CCT6B: variants seen among roughly 807,000 people sequenced by gnomAD.
The protein encoded by CCT6B is chaperonin containing TCP1 subunit 6B.
CCT6B carries 49 observed loss-of-function variants against 61.5 expected under a neutral mutation model. That is an observed-to-expected ratio of 0.80 (90% confidence interval 0.63 to 1.01). The LOEUF (loss-of-function observed/expected upper bound fraction) is 1.01. Among genes scored for constraint, CCT6B ranks in the 50% least tolerant of loss-of-function variants. The pLI, the probability that CCT6B is intolerant of heterozygous loss-of-function variation, is 0.00. For synonymous variants in CCT6B, 228 were observed against 214.5 expected (o/e 1.06, Z -0.55); for missense variants, 666 against 634.7 (o/e 1.05, Z -0.53).
At chr17:34,939,843 A>G (rs1597744419) in intron 8 of CCT6B, 130 bp from the exon 9 acceptor site, 1 of 641,676 alleles carries the variant, frequency 1.6e-6, no homozygotes, top group Non-Finnish European at 2.8e-6. Flanking sequence ...TTAATTGTCT[A>G]ATAAAATTGT....
intron 1 of CCT6B, 85 bp from the exon 2 acceptor site, chr17:34,959,735 C>A: frequency 1.1e-6 from 1 of 921,552 alleles, no homozygotes; most frequent in Non-Finnish European, 1.8e-6. Context: ...ATAGAGGGAA[C>A]TGGGCTCGGA....
At chr17:34,954,274 T>C in intron 4 of CCT6B, 152 bp downstream of exon 4, 1 of 591,310 alleles carries the variant, frequency 1.7e-6, no homozygotes. Context: ...CAGTCAAATC[T>C]AATCTACAGT....
chr17:34,930,724 A>G (rs1300943879), intron 12 of CCT6B, among the ~76,000 whole-genome samples: 1 of 152,206 alleles, frequency 6.6e-6, no homozygotes, highest in African/African-American at 2.4e-5. Flanking sequence ...TCCCAGGGGC[A>G]GATATTTTTG....
Position 34,958,560 on chromosome 17 carries a change from C to T in CCT6B, c.336G>A (p.Glu112=). 6.6e-7 allele frequency: 1 copy of T among 1,509,416 alleles called. No homozygotes were observed. The highest frequency in any genetic ancestry group is 8.9e-7 in the Non-Finnish European group (1 of 1,126,016). 93.5% of individuals were successfully genotyped at this position (1,509,416 alleles called of 1,614,324 possible). ...LLKQADLYIS[E]GLHPRIIAEG... is the part of the protein sequence containing the mutation. Reference sequence around the variant, plus strand: ...CATATAAACTGTGAAATTCTAATACCTCAGAAATGTACAGGTCAGCTTGTT... The same window carrying T: ...CATATAAACTGTGAAATTCTAATACTTCAGAAATGTACAGGTCAGCTTGTT... Residue 112 remains glutamate (E), a splice_region_variant and synonymous_variant, in exon 3 of 14, where the codon GAG becomes GAA. Coordinates refer to ENST00000314144, the MANE Select transcript of CCT6B (RefSeq NM_006584.4).
At chr17:34,937,290 A>T (rs1379180336) in intron 10 of CCT6B, among the ~76,000 whole-genome samples, 1 of 152,176 alleles carries the variant, frequency 6.6e-6, no homozygotes, top group Non-Finnish European at 1.5e-5. Context: ...TAAAAAAAAA[A>T]TGAGAGTTAA....
chr17:34,950,252 T>G (rs562298202), intron 5 of CCT6B, among the ~76,000 whole-genome samples: 2 of 152,200 alleles, frequency 1.3e-5, no homozygotes. Context: ...AGTACTGTAT[T>G]CAAAAGCAGG....
At chr17:34,939,806 G>A in intron 8 of CCT6B, 93 bp from the exon 9 acceptor site, 1 of 798,156 alleles carries the variant, frequency 1.3e-6, no homozygotes. Context: ...AGACTGTATT[G>A]TTACTGTATT....
chr17:34,928,224 T>C lies in CCT6B; in HGVS notation c.1524-107A>G, dbSNP rs115006300. ...GTACTTTGTTCTTTAATGATGTTAG[T>C]ATGATGTTTTATGAGACAAGGCTAT... On this transcript the variant is annotated intron_variant, in intron 13 of 13. Coordinates refer to ENST00000314144, the MANE Select transcript of CCT6B (RefSeq NM_006584.4). The C allele has an allele frequency of 1.2e-3, 732 of 590,132 alleles. 7 individuals are homozygous for C. In the African/African-American group the frequency reaches 0.013, roughly 10 times the overall value. The allele number at this position is 590,132 out of a possible 1,614,324, so 36.6% of individuals were successfully genotyped here.
rs752553591 is a variant in CCT6B at position 34,932,437 on chromosome 17, T to G, written c.1277A>C (p.Lys426Thr). Reference sequence around the variant, plus strand: ...ACGAGCTCTTCCTTTTATACTGTTCTTATATGTAACAAGAGCTTCAGCCAT... The same window carrying G: ...ACGAGCTCTTCCTTTTATACTGTTCGTATATGTAACAAGAGCTTCAGCCAT... The part of the protein sequence containing the change: ...VAMAEALVTY[K>T]NSIKGRARLG... The change falls in exon 11 of 14, where the codon AAG becomes ACG. Residue 426 changes from lysine to threonine, a missense_variant. Coordinates refer to ENST00000314144, the MANE Select transcript of CCT6B (RefSeq NM_006584.4). 1.6e-5 allele frequency: 25 copies of G among 1,612,466 alleles called. No homozygotes were observed. The highest frequency in any genetic ancestry group is 2.0e-5 in the Non-Finnish European group (24 of 1,179,314).
chr17:34,961,318 C>A lies in CCT6B; in HGVS notation c.76G>T (p.Ala26Ser), dbSNP rs2090414636. The change falls in exon 1 of 14, where the codon GCC becomes TCC. Residue 26 changes from alanine to serine, a missense_variant. Physicochemically the swap from Ala to Ser is moderately conservative, Grantham distance 99. Transcript: ENST00000314144. ...ARAALAVNIC[A>S]ARGLQDVLRT... ...AGCACATCCTGCAGCCCTCGGGCGG[C>A]GCATATATTGACAGCCAAAGCTGCC... The A allele has an allele frequency of 6.2e-7, 1 of 1,613,084 alleles. No homozygotes were observed. The highest frequency in any genetic ancestry group is 8.5e-7 in the Non-Finnish European group (1 of 1,179,950).
intron 5 of CCT6B, among the ~76,000 whole-genome samples, chr17:34,947,309 A>T (rs2090235139): frequency 6.6e-6 from 1 of 152,192 alleles, no homozygotes; most frequent in African/African-American, 2.4e-5. Context: ...AAAGCCAGAA[A>T]ATGCCAACCA....
At chr17:34,960,076 C>T (rs1435261119) in intron 1 of CCT6B, among the ~76,000 whole-genome samples, 1 of 152,202 alleles carries the variant, frequency 6.6e-6, no homozygotes, top group African/African-American at 2.4e-5. Context: ...TCTCTTGAAT[C>T]TGCCACCTTC....
intron 6 of CCT6B, 37 bp downstream of exon 6, chr17:34,942,759 A>T (rs1231889155): frequency 6.6e-7 from 1 of 1,524,960 alleles, no homozygotes; most frequent in East Asian, 2.3e-5. Context: ...CTTTAGAAAA[A>T]AAAATTCAAA....
At position 34,951,840 on chromosome 17, in the gene CCT6B, T is replaced by C. The variant is rs1244337230; in HGVS notation, c.614+110A>G. The stretch of plus-strand genomic sequence containing the variant: ...CATTACCTAGAGCAGTGACTTAATA[T>C]ATGGTGAATGAATATATTTATGTTG... On this transcript the variant is annotated intron_variant, in intron 5 of 13. Transcript: ENST00000314144. 6.2e-5 allele frequency: 34 copies of C among 544,006 alleles called. 1 individual carries two copies. The Admixed American group carries it at 1.2e-3, about 19-fold the overall frequency. 33.7% of individuals were successfully genotyped at this position (544,006 alleles called of 1,614,324 possible). A position where few individuals can be genotyped will look rare whatever the true frequency, so the allele number is the denominator to read the frequency against.
chr17:34,947,877 A>G (rs1282726509), intron 5 of CCT6B, among the ~76,000 whole-genome samples: 3 of 151,670 alleles, frequency 2.0e-5, no homozygotes, highest in African/African-American at 7.3e-5. Context: ...AGCTACTCGG[A>G]AGGCTGAGGG....
At chr17:34,933,153 T>A (rs1418242228) in intron 10 of CCT6B, among the ~76,000 whole-genome samples, 3 of 152,188 alleles carry the variant, frequency 2.0e-5, no homozygotes, top group African/African-American at 7.2e-5. Context: ...GACATGAAAA[T>A]TCTTTAGACC....
chr17:34,948,167 C>T (rs1420609140), intron 5 of CCT6B, among the ~76,000 whole-genome samples: 2 of 152,042 alleles, frequency 1.3e-5, no homozygotes, highest in Non-Finnish European at 2.9e-5. Flanking sequence ...GTACACTCTA[C>T]CCAATGTGTA....
intron 5 of CCT6B, 60 bp downstream of exon 5, chr17:34,951,890 T>G: frequency 1.3e-6 from 1 of 748,538 alleles, no homozygotes; most frequent in East Asian, 2.8e-5. Context: ...ATGAATTTAA[T>G]AAAAGAATAT....
At chr17:34,929,772 C>T (rs1330472278) in intron 12 of CCT6B, among the ~76,000 whole-genome samples, 1 of 152,096 alleles carries the variant, frequency 6.6e-6, no homozygotes, top group African/African-American at 2.4e-5. Context: ...CCTTGGCCTC[C>T]CAGAGTGCTG....
Sources: allele counts gnomAD v4.1 joint callset (sites outside exome capture counted in the v4.1 genomes callset), GRCh38; gene constraint gnomAD v4.1.1; transcripts MANE v1.5; gene names NCBI Gene and HGNC (gene_info 2026-07-23, HGNC 2026-07-21).